MAST4: variants seen among roughly 807,000 people sequenced by gnomAD.
The protein encoded by MAST4 is microtubule associated serine/threonine kinase family member 4.
MAST4 carries 89 observed loss-of-function variants against 162.7 expected under a neutral mutation model. That is an observed-to-expected ratio of 0.55 (90% CI 0.46 to 0.65). The LOEUF (loss-of-function observed/expected upper bound fraction) is 0.65. MAST4 is among the 30% of genes least tolerant of loss of function. The pLI is 0.00. For synonymous variants in MAST4, 1,479 were observed against 1,361.1 expected, an observed-to-expected ratio of 1.09 and a Z score of -1.91; for missense variants, 3,153 against 3,374.0, an observed-to-expected ratio of 0.93 and a Z score of 1.62.
intron 14 of MAST4, among the ~76,000 whole-genome samples, chr5:67,129,405 C>A (rs1768657850): frequency 6.6e-6 from 1 of 151,970 alleles, no homozygotes; most frequent in South Asian, 2.1e-4. Context: ...TTGTGGATCC[C>A]AATGGTATCA....
At chr5:66,987,826 A>C (rs1749682076) in intron 4 of MAST4, among the ~76,000 whole-genome samples, 1 of 152,198 alleles carries the variant, frequency 6.6e-6, no homozygotes, top group South Asian at 2.1e-4. Flanking sequence ...GGAAACAAAA[A>C]GCTATTTATT....
At chr5:66,969,647 C>T (rs1281535688) in intron 4 of MAST4, among the ~76,000 whole-genome samples, 1 of 152,116 alleles carries the variant, frequency 6.6e-6, no homozygotes, top group Non-Finnish European at 1.5e-5. Context: ...CCATGGCTGC[C>T]TGAATCCCCC....
At chr5:66,766,070 C>T (rs73765333) in intron 2 of MAST4, among the ~76,000 whole-genome samples, 4 of 152,240 alleles carry the variant, frequency 2.6e-5, no homozygotes, top group African/African-American at 9.6e-5. Context: ...ACCCTTAAGT[C>T]TGGGTATTGT....
intron 3 of MAST4, among the ~76,000 whole-genome samples, chr5:66,888,572 G>T (rs1009092099): frequency 6.6e-6 from 1 of 152,186 alleles, no homozygotes; most frequent in African/African-American, 2.4e-5. Flanking sequence ...TATTAAGGTT[G>T]TCTGTAATTT....
At chr5:67,122,830 T>C (rs1204264963) in intron 14 of MAST4, among the ~76,000 whole-genome samples, 3 of 152,158 alleles carry the variant, frequency 2.0e-5, no homozygotes, top group Admixed American at 1.3e-4. Context: ...TGGGGAATAG[T>C]TGGGAATATA....
chr5:67,018,173 A>C (rs1025608580), intron 4 of MAST4, among the ~76,000 whole-genome samples: 8 of 152,208 alleles, frequency 5.3e-5, no homozygotes, highest in Admixed American at 3.9e-4. Context: ...GAAGTACCAG[A>C]AAAATGCATC....
chr5:67,144,401 C>T (rs1770787222), intron 21 of MAST4, among the ~76,000 whole-genome samples: 3 of 151,856 alleles, frequency 2.0e-5, no homozygotes, highest in South Asian at 4.2e-4. Flanking sequence ...ATACAAAGTC[C>T]GCAACAAGAT....
At chr5:67,144,845 A>G (rs1250409220) in intron 22 of MAST4, 49 bp downstream of exon 22, 2 of 1,547,782 alleles carry the variant, frequency 1.3e-6, no homozygotes, top group Non-Finnish European at 1.7e-6. Flanking sequence ...ACTAGAGCAG[A>G]GTTTCTTAAA....
chr5:66,961,673 A>G (rs1581024996), intron 4 of MAST4, among the ~76,000 whole-genome samples: 1 of 152,214 alleles, frequency 6.6e-6, no homozygotes, highest in Non-Finnish European at 1.5e-5. Flanking sequence ...AATTGGGTAC[A>G]TAGACACTTC....
At chr5:66,655,032 A>G (rs2149452470) in intron 1 of MAST4, among the ~76,000 whole-genome samples, 1 of 152,128 alleles carries the variant, frequency 6.6e-6, no homozygotes, top group Middle Eastern at 3.4e-3. Context: ...TGCTTTACTA[A>G]ATGTACAACA....
At chr5:66,638,793 C>T (rs570713785) in intron 1 of MAST4, among the ~76,000 whole-genome samples, 114 of 152,202 alleles carry the variant, frequency 7.5e-4, no homozygotes, top group African/African-American at 2.7e-3. Context: ...ACCTGTCTTG[C>T]GAGGTTAGGT....
At chr5:67,160,131 C>A (rs1773017307) in intron 26 of MAST4, among the ~76,000 whole-genome samples, 1 of 152,074 alleles carries the variant, frequency 6.6e-6, no homozygotes, top group Admixed American at 6.5e-5. Context: ...CTCAAATGAG[C>A]CCCAGGAGAT....
intron 4 of MAST4, among the ~76,000 whole-genome samples, chr5:66,905,005 C>CT (rs1197585015): frequency 2.0e-5 from 3 of 151,998 alleles, no homozygotes; most frequent in African/African-American, 4.8e-5. Context: ...TTTAAGGATG[C>CT]TTTTAAAGGA....
At chr5:66,926,219 G>A (rs944117856) in intron 4 of MAST4, among the ~76,000 whole-genome samples, 4 of 152,096 alleles carry the variant, frequency 2.6e-5, no homozygotes, top group Non-Finnish European at 5.9e-5. Flanking sequence ...GATAATACAA[G>A]TAAAAAATAG....
chr5:66,933,123 T>G (rs1580924226), intron 4 of MAST4, among the ~76,000 whole-genome samples: 1 of 152,230 alleles, frequency 6.6e-6, no homozygotes, highest in Admixed American at 6.5e-5. Context: ...TTACTACATT[T>G]AGTCTTCCAT....
At chr5:67,083,939 G>A (rs1033228729) in intron 5 of MAST4, among the ~76,000 whole-genome samples, 1 of 152,066 alleles carries the variant, frequency 6.6e-6, no homozygotes, top group African/African-American at 2.4e-5. Context: ...TCTTTACTTG[G>A]GATCACCTTG....
rs77376876 is a variant in MAST4 at position 66,734,660 on chromosome 5, C to T, written c.364-25049C>T. Reference sequence around the variant, plus strand: ...AGACATGTTCTATATTCTGCAGTGTCCAGTATGGTAGCCATTAGCCACATG... The same window carrying T: ...AGACATGTTCTATATTCTGCAGTGTTCAGTATGGTAGCCATTAGCCACATG... On this transcript the variant is annotated intron_variant, in intron 1 of 28. Coordinates refer to ENST00000403625, the MANE Select transcript of MAST4 (RefSeq NM_001164664.2). Among the ~76,000 whole-genome samples, 1,184 of 152,280 alleles carry T rather than the reference C, an allele frequency of 7.8e-3. 19 individuals are homozygous for T. Among genetic ancestry groups the T allele is most frequent in the African/African-American group, 0.026 (1,087 of 41,540 alleles).
At chr5:67,066,288 TAGAA>T (rs1760222804) in intron 5 of MAST4, among the ~76,000 whole-genome samples, 1 of 151,520 alleles carries the variant, frequency 6.6e-6, no homozygotes, top group Non-Finnish European at 1.5e-5. Flanking sequence ...TAAAAGAAAA[TAGAA>T]ATAAATAAAT....
At chr5:67,049,061 GTATATATATATA>G (rs139716277) in intron 4 of MAST4, among the ~76,000 whole-genome samples, 1 of 75,914 alleles carries the variant, frequency 1.3e-5, no homozygotes, top group African/African-American at 5.4e-5. Context: ...ATATATATAC[GTATATATATATA>G]TATATACACT....
Sources: gnomAD v4.1 joint callset for allele counts (sites outside exome capture counted in the v4.1 genomes callset) on GRCh38, gnomAD v4.1.1 for gene constraint, MANE v1.5 for transcripts, NCBI Gene and HGNC (gene_info 2026-07-23, HGNC 2026-07-21) for gene names.